The following SIRT3 variants were observed in gnomAD, a reference collection of about 807,000 sequenced individuals.
The protein encoded by SIRT3 is NAD-dependent protein deacetylase sirtuin-3, mitochondrial.
SIRT3 carries 26 observed loss-of-function variants against 33.5 expected under a neutral mutation model. That is an observed-to-expected ratio of 0.78 (90% confidence interval 0.57 to 1.08). SIRT3 has a LOEUF of 1.08. SIRT3 is among the 50% of genes least tolerant of loss of function. The probability of loss-of-function intolerance (pLI) is 0.00; values close to 1 mark genes in which losing one functional copy is unlikely to be tolerated. For missense variants in SIRT3, 585 were observed against 530.1 expected, an observed-to-expected ratio of 1.10 and a Z score of -1.02; for synonymous variants, 237 against 222.1, an observed-to-expected ratio of 1.07 and a Z score of -0.60.
At chr11:236,783 G>T (rs191167761), upstream of SIRT3, 19 of 536,592 alleles carry the variant, frequency 3.5e-5, no homozygotes, top group East Asian at 6.0e-4. Context: ...GTCCGTAGCG[G>T]GTTCGACCAC....
Position 230,074 on chromosome 11 carries a change from G to A in SIRT3, c.807+378C>T, listed in dbSNP as rs367869057. ...ACAAAAGGCCATCTGATTGCCGGGCGTGGTGGCTCACGCCTGTAATCCCAG... is the reference window on the plus strand; with the variant it reads ...ACAAAAGGCCATCTGATTGCCGGGCATGGTGGCTCACGCCTGTAATCCCAG... On this transcript the variant is annotated intron_variant, in intron 4 of 6. Transcript: ENST00000382743. Among the ~76,000 whole-genome samples, 67 of 151,620 alleles carry A rather than the reference G, an allele frequency of 4.4e-4. No homozygotes were observed. In the East Asian group the frequency reaches 0.012, roughly 27 times the overall value.
intron 6 of SIRT3, among the ~76,000 whole-genome samples, chr11:217,733 A>G (rs1181165672): frequency 1.3e-5 from 2 of 152,260 alleles, no homozygotes; most frequent in East Asian, 3.8e-4. Flanking sequence ...GGACAAGGAA[A>G]AAGGATCAGG....
chr11:230,602 C>T (rs768368112), intron 3 of SIRT3, 50 bp from the exon 4 acceptor site: 47 of 1,335,756 alleles, frequency 3.5e-5, no homozygotes, highest in Admixed American at 1.9e-4. Context: ...GAGATGAGCA[C>T]GCAAGGCCAA....
chr11:227,111 G>C (rs1039377385), intron 4 of SIRT3, among the ~76,000 whole-genome samples: 12 of 151,770 alleles, frequency 7.9e-5, no homozygotes, highest in African/African-American at 2.9e-4. Flanking sequence ...CCACAGTGGA[G>C]AAACCGCAAA....
In SIRT3 at chr11:236,221, A is replaced by T; in HGVS notation, c.108T>A (p.Cys36Ter). 1 of 1,558,970 alleles carries T rather than the reference A, an allele frequency of 6.4e-7. No homozygotes were observed. Among genetic ancestry groups the T allele is most frequent in the Non-Finnish European group, 8.7e-7 (1 of 1,155,768 alleles). Residue 36 changes from cysteine to a stop codon, truncating the protein, a stop_gained, in exon 1 of 7, where the codon TGT becomes TGA. Transcript: ENST00000382743. LOFTEE classifies it high-confidence loss of function. ...GGVGPFQACG[C>*]RLVLGGRDDV... ...CGTCCCTGCCGCCAAGCACCAGCCG[A>T]CAGCCGCAGGCCTGAAACGGCCCCA...
chr11:224,443 T>C (rs572237750), intron 4 of SIRT3, among the ~76,000 whole-genome samples: 50 of 152,338 alleles, frequency 3.3e-4, no homozygotes, highest in Middle Eastern at 3.4e-3. Context: ...GGAGGAGGTA[T>C]TGGAGCCTTT....
intron 4 of SIRT3, among the ~76,000 whole-genome samples, chr11:226,840 G>C (rs566778407): frequency 1.4e-5 from 2 of 147,678 alleles, no homozygotes; most frequent in African/African-American, 2.5e-5. Context: ...CGCAACCTCC[G>C]CCTCCCTGGT....
At chr11:217,152 T>C (rs1490640262) in intron 6 of SIRT3, among the ~76,000 whole-genome samples, 2 of 152,228 alleles carry the variant, frequency 1.3e-5, no homozygotes, top group African/African-American at 4.8e-5. Context: ...TGCTTTTCTA[T>C]GAAAACAGGA....
At chr11:221,095 T>C (rs1316448204) in intron 5 of SIRT3, among the ~76,000 whole-genome samples, 2 of 152,184 alleles carry the variant, frequency 1.3e-5, no homozygotes, top group South Asian at 2.1e-4. Flanking sequence ...TCAGGAGTAC[T>C]TGCATGAGTA....
rs1483356303 is a variant in SIRT3, at chr11:236,047, C to T, written c.281+1G>A. The T allele has an allele frequency of 1.3e-6, 2 of 1,512,114 alleles. No homozygotes were observed. The highest frequency in any genetic ancestry group is 1.8e-6 in the Non-Finnish European group (2 of 1,130,572). The allele number at this position is 1,512,114 out of a possible 1,614,324, so 93.7% of individuals were successfully genotyped here. ...GAAGTGCTTGTCCTTGCCCAAAATA[C>T]CTCGAAAAGAAGAAACTGGGAGCTG... On this transcript the variant is annotated splice_donor_variant, in intron 1 of 6. Transcript: ENST00000382743. LOFTEE classifies it high-confidence loss of function.
At chr11:227,366 A>T (rs1470089951) in intron 4 of SIRT3, among the ~76,000 whole-genome samples, 1 of 151,250 alleles carries the variant, frequency 6.6e-6, no homozygotes, top group Non-Finnish European at 1.5e-5. Context: ...TGAACCTGAG[A>T]GGGGGAGGTT....
At chr11:236,890 C>A, upstream of SIRT3, 3 of 660,176 alleles carry the variant, frequency 4.5e-6, no homozygotes, top group Non-Finnish European at 8.1e-6. Context: ...CAGAGACGCG[C>A]TGTAACCGAG....
At chr11:224,963 A>C (rs2133852959) in intron 4 of SIRT3, among the ~76,000 whole-genome samples, 1 of 152,178 alleles carries the variant, frequency 6.6e-6, no homozygotes, top group Non-Finnish European at 1.5e-5. Context: ...CAGATACAAA[A>C]GACAAAAGAA....
chr11:232,888 C>T, intron 3 of SIRT3, 95 bp downstream of exon 3: 1 of 1,198,252 alleles, frequency 8.3e-7, no homozygotes, highest in South Asian at 1.3e-5. Context: ...CCGAGCATCC[C>T]CTGTGAGAAA....
intron 6 of SIRT3, among the ~76,000 whole-genome samples, chr11:217,393 G>C (rs1204497942): frequency 1.3e-5 from 2 of 152,222 alleles, no homozygotes; most frequent in Non-Finnish European, 2.9e-5. Context: ...GGGCTGCAGT[G>C]AGCCAAAATC....
Position 233,137 on chromosome 11 carries a change from G to A in SIRT3, c.552C>T (p.Phe184=), listed in dbSNP as rs144592587. ...PYPEAIFELP[F]FFHNPKPFFT... is the part of the protein sequence containing the mutation. ...AAAAGGGCTTGGGGTTGTGAAAGAA[G>A]AATGGGAGTTCAAAAATGGCCTCGG... is the stretch of plus-strand genomic sequence containing the variant. Residue 184 remains phenylalanine, a synonymous_variant, in exon 3 of 7, where the codon TTC becomes TTT. Coordinates refer to ENST00000382743, the MANE Select transcript of SIRT3 (RefSeq NM_012239.6). 2.0e-4 allele frequency: 330 copies of A among 1,614,074 alleles called. No individual in the cohort carries two copies. The highest frequency in any genetic ancestry group is 2.7e-4 in the Non-Finnish European group (321 of 1,180,028).
chr11:216,625 C>T lies in SIRT3; in HGVS notation c.*73G>A, dbSNP rs1224920469. The T allele has an allele frequency of 6.4e-7, 1 of 1,564,550 alleles. No homozygotes were observed. The highest frequency in any genetic ancestry group is 8.8e-7 in the Non-Finnish European group (1 of 1,136,046). Reference sequence around the variant, plus strand: ...TTCACCTGCCCAAGCTGTCTTCAGGCATGAGGTCTTGTCAGAATTGGGATG... The same window carrying T: ...TTCACCTGCCCAAGCTGTCTTCAGGTATGAGGTCTTGTCAGAATTGGGATG... On this transcript the variant is annotated 3_prime_UTR_variant, in exon 7 of 7. Transcript: ENST00000382743.
At chr11:219,880 C>G (rs1294876091) in intron 5 of SIRT3, among the ~76,000 whole-genome samples, 1 of 152,054 alleles carries the variant, frequency 6.6e-6, no homozygotes, top group Non-Finnish European at 1.5e-5. Flanking sequence ...CTACATAAAA[C>G]TACTATGTAG....
rs1461079666 is a variant in SIRT3 at position 235,925 on chromosome 11, C to T, written c.281+123G>A. ...CCACAGATCAGCATAAAGACGGAGG[C>T]CCCGGTGTTGGAACGCACGTAAACT... On this transcript the variant is annotated intron_variant, in intron 1 of 6. Transcript: ENST00000382743. 8.4e-6 allele frequency: 9 copies of T among 1,077,386 alleles called. No homozygotes were observed. In the African/African-American group the frequency reaches 1.5e-4, roughly 18 times the overall value. 66.7% of individuals were successfully genotyped at this position (1,077,386 alleles called of 1,614,324 possible). A position where few individuals can be genotyped will look rare whatever the true frequency, so the allele number is the denominator to read the frequency against.
Sources: gnomAD v4.1 joint callset for allele counts (sites outside exome capture counted in the v4.1 genomes callset) on GRCh38, gnomAD v4.1.1 for gene constraint, MANE v1.5 for transcripts, NCBI Gene and HGNC (gene_info 2026-07-23, HGNC 2026-07-21) for gene names.